The following GNAQ variants were observed in gnomAD, a reference collection of about 807,000 sequenced individuals.
The protein encoded by GNAQ is G protein subunit alpha q.
Under a neutral mutation model 43.9 loss-of-function variants are expected in GNAQ, and 8 were observed. The observed-to-expected ratio is 0.18, with a 90% CI of 0.11 to 0.33. The LOEUF (loss-of-function observed/expected upper bound fraction) is 0.33, where lower values mean the gene tolerates loss of function less well. GNAQ is among the 10% of genes least tolerant of loss of function. The pLI, the probability that GNAQ is intolerant of heterozygous loss-of-function variation, is 1.00. For synonymous variants in GNAQ, 155 were observed against 170.7 expected, an observed-to-expected ratio of 0.91 and a Z score of 0.71; for missense variants, 158 against 450.8, an observed-to-expected ratio of 0.35 and a Z score of 5.88.
At chr9:77,817,578 G>A (rs774062033) in intron 2 of GNAQ, among the ~76,000 whole-genome samples, 1 of 152,064 alleles carries the variant, frequency 6.6e-6, no homozygotes, top group East Asian at 1.9e-4. Context: ...ATAAGAAAAG[G>A]CAATTAAACC....
intron 2 of GNAQ, among the ~76,000 whole-genome samples, chr9:77,836,848 A>C (rs910470625): frequency 6.6e-6 from 1 of 152,250 alleles, no homozygotes; most frequent in African/African-American, 2.4e-5. Context: ...AATAGTTGAC[A>C]GTGTAAAAAA....
At chr9:77,963,167 C>A (rs1211118345) in intron 1 of GNAQ, among the ~76,000 whole-genome samples, 3 of 151,878 alleles carry the variant, frequency 2.0e-5, no homozygotes, top group Non-Finnish European at 4.4e-5. Flanking sequence ...GACAATGCCC[C>A]AAAGAAATCA....
At chr9:77,862,587 CA>C (rs1401349485) in intron 2 of GNAQ, among the ~76,000 whole-genome samples, 3 of 152,178 alleles carry the variant, frequency 2.0e-5, no homozygotes, top group Admixed American at 1.3e-4. Context: ...GACCCTGGGC[CA>C]GGCCCATGGA....
intron 1 of GNAQ, 23 bp downstream of exon 1, chr9:78,031,077 G>A: frequency 6.9e-7 from 1 of 1,440,658 alleles, no homozygotes; most frequent in Non-Finnish European, 9.2e-7. Context: ...CAGAGGCCCG[G>A]CGGGGCCCCG....
chr9:77,750,853 C>T (rs540994168), intron 5 of GNAQ, among the ~76,000 whole-genome samples: 4 of 152,162 alleles, frequency 2.6e-5, no homozygotes, highest in Non-Finnish European at 5.9e-5. Flanking sequence ...CAAACAACAC[C>T]TTGCTGTGGC....
intron 3 of GNAQ, among the ~76,000 whole-genome samples, chr9:77,810,648 C>G (rs1219154138): frequency 6.6e-6 from 1 of 152,080 alleles, no homozygotes; most frequent in African/African-American, 2.4e-5. Context: ...ATTTAACAGC[C>G]AAAGAGAGAC....
At chr9:77,959,285 A>G (rs1823078964) in intron 1 of GNAQ, among the ~76,000 whole-genome samples, 1 of 152,222 alleles carries the variant, frequency 6.6e-6, no homozygotes, top group Non-Finnish European at 1.5e-5. Context: ...CTATGATAAA[A>G]TATTTTCTTT....
chr9:77,922,144 T>C lies in GNAQ; in HGVS notation c.321+17A>G, dbSNP rs1278605082. 6.3e-7 allele frequency: 1 copy of C among 1,580,518 alleles called. No homozygotes were observed. On this transcript the variant is annotated intron_variant, in intron 2 of 6. Coordinates refer to ENST00000286548, the MANE Select transcript of GNAQ (RefSeq NM_002072.5). ...TGGAACATTCAGCTGACTGCTCCAA[T>C]GAAGAGTCGCACCTACCTTATTGTG...
At chr9:77,820,821 A>AACCTTCCTGAACCTCAGT (rs1450389973) in intron 2 of GNAQ, among the ~76,000 whole-genome samples, 2 of 152,200 alleles carry the variant, frequency 1.3e-5, no homozygotes, top group Non-Finnish European at 2.9e-5. Flanking sequence ...CAAGTCACTC[A>AACCTTCCTGAACCTCAGT]ACCTTCCTGA....
intron 1 of GNAQ, among the ~76,000 whole-genome samples, chr9:77,969,561 C>T (rs183530932): frequency 9.9e-5 from 15 of 152,256 alleles, no homozygotes; most frequent in Admixed American, 8.5e-4. Context: ...ACAGATTATA[C>T]TAATGTATGT....
At chr9:77,868,064 T>C (rs760372152) in intron 2 of GNAQ, among the ~76,000 whole-genome samples, 1 of 152,214 alleles carries the variant, frequency 6.6e-6, no homozygotes, top group Non-Finnish European at 1.5e-5. Context: ...TCCCTTGTCA[T>C]AGATGCAATA....
chr9:77,809,426 C>T (rs566201518), intron 3 of GNAQ, among the ~76,000 whole-genome samples: 1 of 152,258 alleles, frequency 6.6e-6, no homozygotes, highest in South Asian at 2.1e-4. Context: ...AGGCAGTGAA[C>T]TCATTTGACC....
At position 77,984,048 on chromosome 9, in the gene GNAQ, G is replaced by GAAAAAAAAA. The variant is rs1564170418; in HGVS notation, c.136+47051_136+47052insTTTTTTTTT. Among the ~76,000 whole-genome samples the GAAAAAAAAA allele has an allele frequency of 1.0e-3, 25 of 24,720 alleles. 1 individual carries two copies. The highest frequency in any genetic ancestry group is 4.7e-3 in the African/African-American group (23 of 4,862). The allele number at this position is 24,720 out of a possible 152,430, so 16.2% of individuals were successfully genotyped here. ...GCATATGCAAGTAGAATTTTGGAGA[G>GAAAAAAAAA]CAAAAAAAAAAAAAAAAAAAAAAAA... On this transcript the variant is annotated intron_variant, in intron 1 of 6. Coordinates refer to ENST00000286548, the MANE Select transcript of GNAQ (RefSeq NM_002072.5).
intron 2 of GNAQ, among the ~76,000 whole-genome samples, chr9:77,905,903 G>A (rs1478962714): frequency 6.6e-6 from 1 of 152,114 alleles, no homozygotes; most frequent in Non-Finnish European, 1.5e-5. Context: ...ACACAGGAAG[G>A]GGAACATCAC....
intron 1 of GNAQ, among the ~76,000 whole-genome samples, chr9:77,957,967 A>C (rs1823063104): frequency 6.6e-6 from 1 of 152,200 alleles, no homozygotes; most frequent in Admixed American, 6.5e-5. Flanking sequence ...TTTTTCTTAC[A>C]AGATCAAATA....
intron 2 of GNAQ, among the ~76,000 whole-genome samples, chr9:77,914,991 A>G (rs1828874073): frequency 2.0e-5 from 3 of 152,192 alleles, no homozygotes; most frequent in Admixed American, 2.0e-4. Flanking sequence ...TAGAATGGAT[A>G]AAGTTCAAGA....
At chr9:77,810,249 TCTATCTATCTA>T (rs1826899497) in intron 3 of GNAQ, among the ~76,000 whole-genome samples, 2 of 151,540 alleles carry the variant, frequency 1.3e-5, no homozygotes, top group Non-Finnish European at 2.9e-5. Flanking sequence ...TATCTATCTA[TCTATCTATCTA>T]TCTATCTGTC....
At position 78,003,301 on chromosome 9, in the gene GNAQ, ATTC is replaced by A. The variant is rs1823665562; in HGVS notation, c.136+27796_136+27798del. On this transcript the variant is annotated intron_variant, in intron 1 of 6. Coordinates refer to ENST00000286548, the MANE Select transcript of GNAQ (RefSeq NM_002072.5). ...GCTATCTCCAAAGTTTCTCACCAGA[ATTC>A]TTTCTCTTGAGCCGTATTCTCTATC... Among the ~76,000 whole-genome samples the A allele has an allele frequency of 2.0e-5, 3 of 152,180 alleles. No homozygotes were observed. In the South Asian group the frequency reaches 6.2e-4, roughly 31 times the overall value.
chr9:77,911,566 C>T (rs1587404274), intron 2 of GNAQ, among the ~76,000 whole-genome samples: 1 of 152,110 alleles, frequency 6.6e-6, no homozygotes, highest in Admixed American at 6.6e-5. Context: ...TTGAGCCACA[C>T]GAATTGGTCT....
Sources: gnomAD v4.1 joint callset for allele counts (sites outside exome capture counted in the v4.1 genomes callset) on GRCh38, gnomAD v4.1.1 for gene constraint, MANE v1.5 for transcripts, NCBI Gene and HGNC (gene_info 2026-07-23, HGNC 2026-07-21) for gene names.